Variants in SCARA3 observed in about 807,000 individuals in gnomAD.
SCARA3 encodes scavenger receptor class A member 3.
Under a neutral mutation model 47.0 loss-of-function variants are expected in SCARA3, and 39 were observed. The observed-to-expected ratio is 0.83, with a 90% CI of 0.64 to 1.08. SCARA3 has a LOEUF of 1.08. Ranked by LOEUF, SCARA3 falls within the 50% of genes least tolerant of loss-of-function variation. The pLI is 0.00. For synonymous variants in SCARA3, 356 were observed against 334.1 expected, an observed-to-expected ratio of 1.07 and a Z score of -0.71; for missense variants, 724 against 792.3, an observed-to-expected ratio of 0.91 and a Z score of 1.04.
At chr8:27,643,127 G>C (rs1801418674) in intron 1 of SCARA3, among the ~76,000 whole-genome samples, 1 of 152,244 alleles carries the variant, frequency 6.6e-6, no homozygotes, top group Admixed American at 6.5e-5. Flanking sequence ...TGTCTGTGCA[G>C]AGTGGGCCGT....
chr8:27,640,448 C>A lies in SCARA3; in HGVS notation c.7+6241C>A, dbSNP rs1288018214. ...GTGCCCAGGCTGGAGTGCAGTGGTA[C>A]CATTGTAGGTTACTGCAGCCTTGAC... On this transcript the variant is annotated intron_variant, in intron 1 of 5. Transcript: ENST00000301904. Among the ~76,000 whole-genome samples the A allele has an allele frequency of 2.6e-5, 4 of 151,932 alleles. No individual in the cohort carries two copies. In the East Asian group the frequency reaches 5.8e-4, roughly 22 times the overall value.
the SCARA3 span, among the ~76,000 whole-genome samples, chr8:27,722,522 G>T: frequency 0.55 from 82,773 of 151,862 alleles, 22,879 homozygotes; most frequent in East Asian, 0.76. Context: ...TCCATCCATA[G>T]TATCCACAAC....
intron 5 of SCARA3, among the ~76,000 whole-genome samples, chr8:27,664,480 C>A (rs1801975346): frequency 6.6e-6 from 1 of 152,152 alleles, no homozygotes. Flanking sequence ...AAAATCCTGA[C>A]CCCTCTCCAA....
the SCARA3 span, among the ~76,000 whole-genome samples, chr8:27,717,986 T>C: frequency 1.3e-5 from 2 of 152,176 alleles, no homozygotes; most frequent in East Asian, 3.9e-4. Flanking sequence ...GGTGGTATTA[T>C]TACCCCCAAA....
chr8:27,691,115 C>T, the SCARA3 span, among the ~76,000 whole-genome samples: 1 of 152,204 alleles, frequency 6.6e-6, no homozygotes, highest in African/African-American at 2.4e-5. Flanking sequence ...CCTGTATACT[C>T]TTCTGCCCCT....
the SCARA3 span, among the ~76,000 whole-genome samples, chr8:27,688,485 C>A: frequency 1.9e-4 from 29 of 151,650 alleles, no homozygotes; most frequent in Non-Finnish European, 7.4e-5. Flanking sequence ...CGCTTGAGTG[C>A]AGGAGTTCAA....
At chr8:27,681,702 A>G (rs1802358471), downstream of SCARA3, among the ~76,000 whole-genome samples, 1 of 152,238 alleles carries the variant, frequency 6.6e-6, no homozygotes, top group African/African-American at 2.4e-5. Context: ...AGCCTGGGCA[A>G]CAGGCTGAGA....
chr8:27,725,657 T>A, the SCARA3 span, among the ~76,000 whole-genome samples: 1 of 152,154 alleles, frequency 6.6e-6, no homozygotes, highest in African/African-American at 2.4e-5. Context: ...CCTATTCCTG[T>A]GCAGGCCAGC....
rs765126076 is a variant in SCARA3 at position 27,649,767 on chromosome 8, G to A, written c.73G>A (p.Glu25Lys). 5.0e-6 allele frequency: 8 copies of A among 1,614,142 alleles called. No individual in the cohort carries two copies. Among genetic ancestry groups the A allele is most frequent in the East Asian group, 2.2e-5 (1 of 44,860 alleles). Reference sequence around the variant, plus strand: ...AGAAGAGGACCTGGCGGGTGACGACGAGGACATGCCGACCTTCCCATGCAC... The same window carrying A: ...AGAAGAGGACCTGGCGGGTGACGACAAGGACATGCCGACCTTCCCATGCAC... ...VTEEDLAGDD[E>K]DMPTFPCTQK... The change falls in exon 2 of 6, where the codon GAG (glutamate) becomes AAG (lysine). Residue 25 changes from glutamate to lysine, a missense_variant. By Grantham distance (56) the Glu-to-Lys change is moderately conservative (BLOSUM62 1). Transcript: ENST00000301904.
chr8:27,719,089 A>G, the SCARA3 span, among the ~76,000 whole-genome samples: 5 of 152,214 alleles, frequency 3.3e-5, no homozygotes, highest in East Asian at 1.9e-4. Context: ...AGGTTTTGAC[A>G]AAAGAGAAAT....
chr8:27,666,670 C>T (rs1802021503), intron 5 of SCARA3, among the ~76,000 whole-genome samples: 2 of 152,220 alleles, frequency 1.3e-5, no homozygotes, highest in Non-Finnish European at 2.9e-5. Flanking sequence ...TCCAGAGGCA[C>T]CCCTTTGTTT....
At chr8:27,685,982 C>G in the SCARA3 span, among the ~76,000 whole-genome samples, 6 of 152,054 alleles carry the variant, frequency 3.9e-5, no homozygotes, top group Non-Finnish European at 5.9e-5. Flanking sequence ...AAAGTTAATC[C>G]TCAAATAAAA....
rs1801845408 is a variant in SCARA3, at chr8:27,659,505, T to C, written c.1335T>C (p.His445=). The C allele has an allele frequency of 1.2e-6, 2 of 1,612,916 alleles. No individual in the cohort carries two copies. Among genetic ancestry groups the C allele is most frequent in the South Asian group, 1.1e-5 (1 of 90,994 alleles). The change falls in exon 5 of 6, where the codon CAT becomes CAC. Residue 445 remains histidine, a synonymous_variant. Transcript: ENST00000301904. ...AGATGAAGGCAGTGGACACACAGCA[T>C]GGAGAAATCCTTCGCAATGTCACCA... The part of the protein sequence containing the change: ...VEEMKAVDTQ[H]GEILRNVTIL...
At chr8:27,668,828 C>G (rs532754) in intron 5 of SCARA3, among the ~76,000 whole-genome samples, 38,949 of 152,070 alleles carry the variant, frequency 0.26, 5,632 homozygotes, top group Middle Eastern at 0.41. Flanking sequence ...AGAGGAAGAC[C>G]CTGTCTCGGA....
In SCARA3 at chr8:27,651,667, G is replaced by A. The variant is rs774834441; in HGVS notation, c.226+40G>A. 206 of 1,608,708 alleles carry A rather than the reference G, an allele frequency of 1.3e-4. 4 individuals carry two copies. The South Asian group carries it at 2.1e-3, about 16-fold the overall frequency. On this transcript the variant is annotated intron_variant, in intron 3 of 5. Transcript: ENST00000301904. ...TTCCCACCCCGGGCTGCAGGGGGGT[G>A]TCTGATCAGGGATCCAGCACCAAAA...
At chr8:27,730,124 T>A in the SCARA3 span, among the ~76,000 whole-genome samples, 6 of 152,186 alleles carry the variant, frequency 3.9e-5, no homozygotes, top group African/African-American at 1.4e-4. Flanking sequence ...AGCACAGGGA[T>A]GAAAGCAAAC....
At chr8:27,721,794 A>G in the SCARA3 span, among the ~76,000 whole-genome samples, 1 of 152,226 alleles carries the variant, frequency 6.6e-6, no homozygotes, top group African/African-American at 2.4e-5. Context: ...AAATAAGGCC[A>G]GGTGCAGTGG....
At chr8:27,690,581 C>G in the SCARA3 span, among the ~76,000 whole-genome samples, 1 of 152,086 alleles carries the variant, frequency 6.6e-6, no homozygotes, top group Non-Finnish European at 1.5e-5. Flanking sequence ...AATAAGACAG[C>G]TCTTTATGTA....
the SCARA3 span, among the ~76,000 whole-genome samples, chr8:27,711,189 T>C: frequency 6.6e-6 from 1 of 152,232 alleles, no homozygotes; most frequent in East Asian, 1.9e-4. Flanking sequence ...CCCAAGGTGC[T>C]GGGATTACAG....
Sources: gnomAD v4.1 joint callset for allele counts (sites outside exome capture counted in the v4.1 genomes callset) on GRCh38, gnomAD v4.1.1 for gene constraint, MANE v1.5 for transcripts, NCBI Gene and HGNC (gene_info 2026-07-23, HGNC 2026-07-21) for gene names.